The following SH3PXD2A variants were observed in gnomAD, a reference collection of about 807,000 sequenced individuals.
The protein encoded by SH3PXD2A is SH3 and PX domains 2A.
In SH3PXD2A, 32 loss-of-function variants were observed where a neutral mutation model predicts 115.2. The ratio of observed to expected loss-of-function variants is 0.28; its 90% CI spans 0.21 to 0.37. The LOEUF is 0.37. Among genes scored for constraint, SH3PXD2A ranks in the 10% least tolerant of loss-of-function variants. SH3PXD2A has a pLI of 1.00. For missense variants in SH3PXD2A, 1,328 were observed against 1,498.7 expected (o/e 0.89, Z 1.88); for synonymous variants, 610 against 629.1 (o/e 0.97, Z 0.45).
At position 103,601,171 on chromosome 10, in the gene SH3PXD2A, T is replaced by C. The variant is rs1237842252; in HGVS notation, c.*645A>G. The C allele has an allele frequency of 6.6e-6, 1 of 152,270 alleles. No individual in the cohort carries two copies. 9.4% of individuals were successfully genotyped at this position (152,270 alleles called of 1,614,324 possible). A position where few individuals can be genotyped will look rare whatever the true frequency, so the allele number is the denominator to read the frequency against. On this transcript the variant is annotated 3_prime_UTR_variant, in exon 15 of 15. Coordinates refer to ENST00000369774, the MANE Select transcript of SH3PXD2A (RefSeq NM_001394015.1). ...CCAAGACAGTGACAGTTATGAAAGA[T>C]GGTCTTTGCTGGCACCTGGGAACTG...
At position 103,613,005 on chromosome 10, in the gene SH3PXD2A, T is replaced by C; in HGVS notation, c.1106A>G (p.His369Arg). 6.2e-7 allele frequency: 1 copy of C among 1,614,242 alleles called. No homozygotes were observed. The change falls in exon 12 of 15, where the codon CAT (histidine) becomes CGT (arginine). Residue 369 changes from histidine (H) to arginine (R), a missense_variant. Physicochemically the swap from His to Arg is conservative, Grantham distance 29. Coordinates refer to ENST00000369774, the MANE Select transcript of SH3PXD2A (RefSeq NM_001394015.1). ...KETPPAEGEG[H>R]EAPIAKKEIS... ...CTCCTTCTTGGCAATGGGGGCCTCATGGCCCTCGCCTTCGGCTGGTGGAGT... is the reference window on the plus strand; with the variant it reads ...CTCCTTCTTGGCAATGGGGGCCTCACGGCCCTCGCCTTCGGCTGGTGGAGT...
intron 1 of SH3PXD2A, among the ~76,000 whole-genome samples, chr10:103,850,064 C>A (rs11191827): frequency 0.07 from 10,661 of 152,272 alleles, 450 homozygotes; most frequent in Non-Finnish European, 0.1. Flanking sequence ...GCTGTGCAAA[C>A]CCAAAGTCAG....
chr10:103,612,792 A>C, intron 12 of SH3PXD2A, 61 bp downstream of exon 12: 1 of 1,266,834 alleles, frequency 7.9e-7, no homozygotes, highest in African/African-American at 1.5e-5. Flanking sequence ...CTTTCACGGC[A>C]CCCATGCCCA....
chr10:103,743,393 T>C (rs943272940), intron 3 of SH3PXD2A, among the ~76,000 whole-genome samples: 5 of 152,094 alleles, frequency 3.3e-5, no homozygotes, highest in Admixed American at 6.6e-5. Context: ...ACTGGGACTC[T>C]TTTTTTGTTT....
intron 8 of SH3PXD2A, among the ~76,000 whole-genome samples, chr10:103,646,997 T>TCTTGGGGGG (rs74481460): frequency 0.48 from 73,318 of 151,440 alleles, 17,935 homozygotes; most frequent in East Asian, 0.63. Flanking sequence ...TCCAACCACC[T>TCTTGGGGGG]CCCTTGGAGG....
rs907608175 is a variant in SH3PXD2A, at chr10:103,657,837, G to A, written c.604+3146C>T. On this transcript the variant is annotated intron_variant, in intron 8 of 14. Coordinates refer to ENST00000369774, the MANE Select transcript of SH3PXD2A (RefSeq NM_001394015.1). Reference sequence around the variant, plus strand: ...GACAACCTTCCCCACAGATGTTCCAGGGAGCTCTACAGCCATCTCACCCAG... The same window carrying A: ...GACAACCTTCCCCACAGATGTTCCAAGGAGCTCTACAGCCATCTCACCCAG... 3.9e-5 allele frequency among the ~76,000 whole-genome samples: 6 copies of A among 152,158 alleles called. 1 individual carries two copies. In the South Asian group the frequency reaches 1.0e-3, roughly 26 times the overall value.
At chr10:103,661,308 G>A (rs1399225141) in intron 7 of SH3PXD2A, among the ~76,000 whole-genome samples, 194 bp from the exon 8 acceptor site, 1 of 152,240 alleles carries the variant, frequency 6.6e-6, no homozygotes, top group East Asian at 1.9e-4. Context: ...AGACCGGCCC[G>A]CTGCACCGCG....
At chr10:103,639,630 AAAG>A (rs1430943095) in intron 8 of SH3PXD2A, among the ~76,000 whole-genome samples, 1 of 86,470 alleles carries the variant, frequency 1.2e-5, no homozygotes, top group African/African-American at 4.9e-5. Flanking sequence ...AAAAAAAGAA[AAAG>A]AAAAAAAAAA....
At chr10:103,674,765 A>T (rs2037509244) in intron 6 of SH3PXD2A, among the ~76,000 whole-genome samples, 1 of 152,194 alleles carries the variant, frequency 6.6e-6, no homozygotes, top group Non-Finnish European at 1.5e-5. Flanking sequence ...GCTTGCAGTG[A>T]GCTGAGATCA....
At position 103,602,966 on chromosome 10, in the gene SH3PXD2A, C is replaced by T. The variant is rs537290745; in HGVS notation, c.2252G>A (p.Arg751Gln). 37 of 1,614,206 alleles carry T rather than the reference C, an allele frequency of 2.3e-5. 1 individual carries two copies. In the Middle Eastern group the frequency reaches 9.9e-4, roughly 43 times the overall value. ...CTTGGGCCGGACCGATGGCTTGGCC[C>T]GGGGACAGGAGGTCAGCCCAGCGTT... ...DANAGLTSCP[R>Q]AKPSVRPKPF... Residue 751 changes from arginine to glutamine, a missense_variant, in exon 15 of 15, where the codon CGG (arginine) becomes CAG (glutamine). Physicochemically the swap from Arg to Gln is conservative, Grantham distance 43. Transcript: ENST00000369774.
At chr10:103,677,988 C>T (rs1355901755) in intron 6 of SH3PXD2A, 19 of 578,426 alleles carry the variant, frequency 3.3e-5, no homozygotes, top group South Asian at 1.2e-4. Flanking sequence ...CAGTGGCTCC[C>T]GTGCAGGCCT....
intron 3 of SH3PXD2A, among the ~76,000 whole-genome samples, chr10:103,759,512 C>T (rs575206074): frequency 9.2e-5 from 14 of 152,324 alleles, no homozygotes; most frequent in African/African-American, 3.4e-4. Context: ...AGTACAGAGA[C>T]ACAGATGGCT....
intron 1 of SH3PXD2A, among the ~76,000 whole-genome samples, chr10:103,851,128 A>G (rs1399943789): frequency 7.2e-6 from 1 of 139,508 alleles, no homozygotes; most frequent in Non-Finnish European, 1.5e-5. Flanking sequence ...GTGGGGCTGG[A>G]GTCACAATCT....
intron 8 of SH3PXD2A, among the ~76,000 whole-genome samples, chr10:103,632,191 T>C (rs1056965400): frequency 6.6e-6 from 1 of 151,862 alleles, no homozygotes; most frequent in African/African-American, 2.4e-5. Context: ...CACATACCCT[T>C]GTCCACACCT....
intron 1 of SH3PXD2A, among the ~76,000 whole-genome samples, chr10:103,848,497 GGT>G (rs1034304338): frequency 1.3e-5 from 2 of 152,170 alleles, no homozygotes; most frequent in African/African-American, 4.8e-5. Context: ...AAGGTTCCAA[GGT>G]GTCTACAGAA....
chr10:103,635,606 C>T (rs1355448355), intron 8 of SH3PXD2A, among the ~76,000 whole-genome samples: 2 of 152,236 alleles, frequency 1.3e-5, no homozygotes, highest in Admixed American at 6.5e-5. Context: ...CCCAGGTACA[C>T]ACGGTGTGTG....
intron 2 of SH3PXD2A, among the ~76,000 whole-genome samples, chr10:103,769,140 GT>G: frequency 9.3e-5 from 2 of 21,436 alleles, no homozygotes; most frequent in African/African-American, 6.4e-4. Flanking sequence ...GACTCTGTGT[GT>G]GTGTGTGTGT....
intron 2 of SH3PXD2A, among the ~76,000 whole-genome samples, chr10:103,793,602 G>T (rs1183661376): frequency 6.6e-6 from 1 of 152,330 alleles, no homozygotes; most frequent in East Asian, 1.9e-4. Context: ...GTTCTCCTCT[G>T]TCTAAGGCAT....
chr10:103,659,012 G>A (rs748038206), intron 8 of SH3PXD2A, among the ~76,000 whole-genome samples: 15 of 152,198 alleles, frequency 9.9e-5, no homozygotes, highest in Non-Finnish European at 2.1e-4. Flanking sequence ...CTCTGGCCAC[G>A]GGTGGCCGTG....
Sources: allele counts gnomAD v4.1 joint callset (sites outside exome capture counted in the v4.1 genomes callset), GRCh38; gene constraint gnomAD v4.1.1; transcripts MANE v1.5; gene names NCBI Gene and HGNC (gene_info 2026-07-23, HGNC 2026-07-21).